NLGN1: variants seen among roughly 807,000 people sequenced by gnomAD.
NLGN1 encodes the protein neuroligin-1.
Under a neutral mutation model 65.5 loss-of-function variants are expected in NLGN1, and 12 were observed. The observed-to-expected ratio is 0.18, with a 90% CI of 0.12 to 0.30. The LOEUF (loss-of-function observed/expected upper bound fraction) is 0.30. Ranked by LOEUF, NLGN1 falls within the 10% of genes least tolerant of loss-of-function variation. NLGN1 has a pLI of 1.00. For synonymous variants in NLGN1, 350 were observed against 359.5 expected (o/e 0.97, Z 0.30); for missense variants, 750 against 1,007.1 (o/e 0.74, Z 3.46).
At chr3:173,702,657 G>T (rs1182333383) in intron 3 of NLGN1, among the ~76,000 whole-genome samples, 1 of 152,102 alleles carries the variant, frequency 6.6e-6, no homozygotes, top group Non-Finnish European at 1.5e-5. Flanking sequence ...TTATGGGGAA[G>T]AATGTATACA....
chr3:174,003,272 C>A (rs1347711981), intron 4 of NLGN1, among the ~76,000 whole-genome samples: 1 of 152,076 alleles, frequency 6.6e-6, no homozygotes, highest in African/African-American at 2.4e-5. Flanking sequence ...TAACTTATTT[C>A]ACTTTACCTG....
intron 4 of NLGN1, among the ~76,000 whole-genome samples, chr3:174,264,525 C>G (rs1203575126): frequency 3.3e-5 from 5 of 150,484 alleles, no homozygotes; most frequent in African/African-American, 1.2e-4. Flanking sequence ...CCTTGGTTTT[C>G]AGCTCCATCA....
chr3:173,613,803 A>C, intron 3 of NLGN1, among the ~76,000 whole-genome samples: 1 of 152,136 alleles, frequency 6.6e-6, no homozygotes, highest in Middle Eastern at 3.2e-3. Context: ...AAGCCTGTAA[A>C]ATGTTGCAAA....
chr3:174,080,761 T>G (rs1308092331), intron 4 of NLGN1, among the ~76,000 whole-genome samples: 1 of 152,080 alleles, frequency 6.6e-6, no homozygotes, highest in African/African-American at 2.4e-5. Context: ...TTCAGGTTTT[T>G]TTTTTTGGTT....
chr3:173,425,345 T>C (rs1484437609), intron 1 of NLGN1, among the ~76,000 whole-genome samples: 1 of 140,062 alleles, frequency 7.1e-6, no homozygotes, highest in Non-Finnish European at 1.5e-5. Context: ...TTCTTTGCTA[T>C]GCAGAGGCTT....
chr3:173,943,013 C>T (rs1746433136), intron 4 of NLGN1, among the ~76,000 whole-genome samples: 1 of 152,004 alleles, frequency 6.6e-6, no homozygotes, highest in South Asian at 2.1e-4. Flanking sequence ...TTGCTTGAGA[C>T]CAGGAGTCTG....
At chr3:173,646,448 A>G (rs1173436009) in intron 3 of NLGN1, among the ~76,000 whole-genome samples, 1 of 152,176 alleles carries the variant, frequency 6.6e-6, no homozygotes, top group Non-Finnish European at 1.5e-5. Context: ...CACACTGTTC[A>G]CTTTAATTCT....
chr3:173,594,747 G>C (rs371972805), intron 2 of NLGN1, among the ~76,000 whole-genome samples: 1 of 152,208 alleles, frequency 6.6e-6, no homozygotes, highest in East Asian at 1.9e-4. Context: ...TGGGCATCCA[G>C]GCATATCCAT....
chr3:173,626,575 G>A (rs1355637872), intron 3 of NLGN1, among the ~76,000 whole-genome samples: 2 of 152,066 alleles, frequency 1.3e-5, no homozygotes, highest in Non-Finnish European at 2.9e-5. Context: ...TTTTATATAT[G>A]GCACTTTTGC....
intron 2 of NLGN1, among the ~76,000 whole-genome samples, chr3:173,494,234 T>C (rs976882146): frequency 1.3e-5 from 2 of 151,582 alleles, no homozygotes; most frequent in Admixed American, 1.3e-4. Flanking sequence ...TTCTGGTCAG[T>C]GTATAATGGT....
chr3:174,143,856 G>T (rs1055109353), intron 4 of NLGN1, among the ~76,000 whole-genome samples: 1 of 152,018 alleles, frequency 6.6e-6, no homozygotes, highest in Non-Finnish European at 1.5e-5. Context: ...ATTAATTAGT[G>T]TACCAATTTT....
At chr3:174,184,210 T>C (rs1035495719) in intron 4 of NLGN1, among the ~76,000 whole-genome samples, 13 of 151,764 alleles carry the variant, frequency 8.6e-5, no homozygotes, top group African/African-American at 3.1e-4. Context: ...CTGAAAAAAA[T>C]AGACCATCAA....
At chr3:173,982,160 C>G (rs1005271125) in intron 4 of NLGN1, among the ~76,000 whole-genome samples, 2 of 152,040 alleles carry the variant, frequency 1.3e-5, no homozygotes, top group Admixed American at 6.6e-5. Flanking sequence ...ACTTAGGTCT[C>G]TAACCATCAG....
intron 2 of NLGN1, among the ~76,000 whole-genome samples, chr3:173,486,759 AC>A (rs1205010582): frequency 6.6e-6 from 1 of 152,152 alleles, no homozygotes; most frequent in African/African-American, 2.4e-5. Flanking sequence ...CCTGAACAAA[AC>A]AGTTCAACTT....
At chr3:173,688,259 G>A (rs1764963287) in intron 3 of NLGN1, among the ~76,000 whole-genome samples, 1 of 152,106 alleles carries the variant, frequency 6.6e-6, no homozygotes, top group Non-Finnish European at 1.5e-5. Context: ...ATTCTATTAT[G>A]GAGATTTTCT....
At chr3:173,972,367 C>G (rs1296619582) in intron 4 of NLGN1, among the ~76,000 whole-genome samples, 2 of 152,096 alleles carry the variant, frequency 1.3e-5, no homozygotes. Flanking sequence ...CCAGAAAAGT[C>G]ATGAGACTGC....
intron 3 of NLGN1, among the ~76,000 whole-genome samples, chr3:173,633,163 G>C (rs1388479686): frequency 6.6e-6 from 1 of 152,028 alleles, no homozygotes. Context: ...CTGAGCCAAG[G>C]ATTGACACAG....
chr3:173,773,949 C>T (rs1164938626), intron 3 of NLGN1, among the ~76,000 whole-genome samples: 1 of 152,116 alleles, frequency 6.6e-6, no homozygotes, highest in East Asian at 1.9e-4. Context: ...GGAAAGAGAA[C>T]ATCCCAATCA....
In NLGN1 at chr3:174,146,093, T is replaced by TTCC. The variant is rs1723180323; in HGVS notation, c.647-129221_647-129220insCCT. 3.2e-5 allele frequency among the ~76,000 whole-genome samples: 4 copies of TTCC among 125,182 alleles called. No homozygotes were observed. The East Asian group carries it at 1.1e-3, about 34-fold the overall frequency. 82.1% of individuals were successfully genotyped at this position (125,182 alleles called of 152,430 possible). ...ATAACCTATTAATCTATTCTACTCT[T>TTCC]TTCCTTCCTTCCTTCCTTCCTTCCT... On this transcript the variant is annotated intron_variant, in intron 4 of 6. Transcript: ENST00000457714.
Sources: gnomAD v4.1 joint callset for allele counts (sites outside exome capture counted in the v4.1 genomes callset) on GRCh38, gnomAD v4.1.1 for gene constraint, MANE v1.5 for transcripts, NCBI Gene and HGNC (gene_info 2026-07-23, HGNC 2026-07-21) for gene names.